The following EPB41L2 variants were observed in gnomAD, a reference collection of about 807,000 sequenced individuals.
EPB41L2 encodes band 4.1-like protein 2.
Under a neutral mutation model 113.0 loss-of-function variants are expected in EPB41L2, and 43 were observed. The observed-to-expected ratio is 0.38, with a 90% CI of 0.30 to 0.49. EPB41L2 has a LOEUF of 0.49. Among genes scored for constraint, EPB41L2 ranks in the 20% least tolerant of loss-of-function variants. The pLI is 0.95. For synonymous variants in EPB41L2, 442 were observed against 436.7 expected (o/e 1.01, Z -0.15); for missense variants, 1,147 against 1,223.4 (o/e 0.94, Z 0.93).
chr6:130,844,210 T>C (rs1776320867), intron 19 of EPB41L2, among the ~76,000 whole-genome samples: 1 of 152,220 alleles, frequency 6.6e-6, no homozygotes, highest in Non-Finnish European at 1.5e-5. Context: ...TTCAGATTAA[T>C]GAACATTCAA....
At chr6:130,966,206 G>A (rs1328458664) in intron 1 of EPB41L2, among the ~76,000 whole-genome samples, 2 of 152,148 alleles carry the variant, frequency 1.3e-5, no homozygotes, top group African/African-American at 4.8e-5. Flanking sequence ...TTATGTAAAG[G>A]TGACTCACTA....
At chr6:131,006,298 C>G (rs1320321993) in intron 1 of EPB41L2, among the ~76,000 whole-genome samples, 2 of 151,146 alleles carry the variant, frequency 1.3e-5, no homozygotes, top group African/African-American at 4.9e-5. Flanking sequence ...CTCAAATGAT[C>G]TGCCTGCCTC....
At chr6:130,894,273 G>A in intron 10 of EPB41L2, 71 bp downstream of exon 10, 3 of 1,247,118 alleles carry the variant, frequency 2.4e-6, no homozygotes, top group Non-Finnish European at 3.5e-6. Flanking sequence ...TCCCACCTCT[G>A]CCTCCTGAGT....
At chr6:130,889,189 T>TCAATCAAC (rs1382060591) in intron 11 of EPB41L2, among the ~76,000 whole-genome samples, 1 of 151,712 alleles carries the variant, frequency 6.6e-6, no homozygotes, top group East Asian at 1.9e-4. Context: ...ATATTTTAGT[T>TCAATCAAC]CAATCAACCA....
At chr6:130,923,455 C>G (rs1803560739) in intron 4 of EPB41L2, among the ~76,000 whole-genome samples, 1 of 152,162 alleles carries the variant, frequency 6.6e-6, no homozygotes, top group African/African-American at 2.4e-5. Context: ...TTCCCCTAGC[C>G]TAATCTCATT....
At chr6:130,948,496 C>G (rs1813700350) in intron 3 of EPB41L2, among the ~76,000 whole-genome samples, 1 of 151,836 alleles carries the variant, frequency 6.6e-6, no homozygotes. Context: ...TCTAAAAGAG[C>G]AGCAGTAAAA....
intron 1 of EPB41L2, among the ~76,000 whole-genome samples, chr6:131,036,009 T>A (rs563988338): frequency 6.6e-6 from 1 of 152,274 alleles, no homozygotes; most frequent in East Asian, 1.9e-4. Context: ...CAGAGAGACA[T>A]TAGTTATAAC....
intron 1 of EPB41L2, among the ~76,000 whole-genome samples, chr6:130,999,587 T>C (rs1783908109): frequency 6.6e-6 from 1 of 152,166 alleles, no homozygotes; most frequent in Non-Finnish European, 1.5e-5. Flanking sequence ...ATTTACTATC[T>C]TCACCCTGCA....
At chr6:130,997,536 T>C (rs970711228) in intron 1 of EPB41L2, among the ~76,000 whole-genome samples, 1 of 152,202 alleles carries the variant, frequency 6.6e-6, no homozygotes, top group Non-Finnish European at 1.5e-5. Flanking sequence ...CTTTGTTATA[T>C]GACAACTGTT....
intron 1 of EPB41L2, among the ~76,000 whole-genome samples, chr6:131,023,892 C>T (rs1427388442): frequency 6.6e-6 from 1 of 151,836 alleles, no homozygotes. Flanking sequence ...TTGGAGAAAA[C>T]TGTCATTTTC....
At chr6:130,895,221 A>C in intron 8 of EPB41L2, 102 bp from the exon 9 acceptor site, 1 of 1,347,198 alleles carries the variant, frequency 7.4e-7, no homozygotes, top group South Asian at 1.5e-5. Context: ...ATGACAGTTT[A>C]ACAGGTTTGT....
intron 1 of EPB41L2, among the ~76,000 whole-genome samples, chr6:131,022,206 G>T (rs1008667863): frequency 4.6e-5 from 7 of 152,032 alleles, no homozygotes; most frequent in African/African-American, 7.3e-5. Flanking sequence ...TCACAATAGG[G>T]TTCATGCTCC....
At chr6:130,951,193 G>C (rs189595678) in intron 3 of EPB41L2, among the ~76,000 whole-genome samples, 6 of 123,164 alleles carry the variant, frequency 4.9e-5, no homozygotes, top group Admixed American at 2.0e-4. Flanking sequence ...GGAGGTGGAG[G>C]TTTCAGTGAG....
At chr6:130,976,583 A>G (rs1166765742) in intron 1 of EPB41L2, among the ~76,000 whole-genome samples, 1 of 152,228 alleles carries the variant, frequency 6.6e-6, no homozygotes, top group Admixed American at 6.5e-5. Context: ...GTACAGAAGG[A>G]GGAAAATGGA....
chr6:130,942,525 C>A (rs1179901193), intron 3 of EPB41L2, among the ~76,000 whole-genome samples: 1 of 152,194 alleles, frequency 6.6e-6, no homozygotes, highest in Non-Finnish European at 1.5e-5. Context: ...ATTGTTGTTG[C>A]ATGAGAGAGT....
At chr6:131,038,922 C>A (rs1338906) in intron 1 of EPB41L2, among the ~76,000 whole-genome samples, 3 of 152,022 alleles carry the variant, frequency 2.0e-5, no homozygotes. Context: ...AAAGAGTGAC[C>A]ATTTTCCACA....
At chr6:130,859,248 G>A (rs975219089) in intron 18 of EPB41L2, among the ~76,000 whole-genome samples, 5 of 152,298 alleles carry the variant, frequency 3.3e-5, no homozygotes, top group Middle Eastern at 3.4e-3. Context: ...AAGGCCAGGC[G>A]TGGTGGCTCA....
At chr6:131,048,073 G>A (rs1257902569) in intron 1 of EPB41L2, among the ~76,000 whole-genome samples, 1 of 147,162 alleles carries the variant, frequency 6.8e-6, no homozygotes, top group African/African-American at 2.6e-5. Context: ...GTGGGGCAGA[G>A]GTTGCAGTGA....
chr6:130,901,236 G>T, intron 6 of EPB41L2, 56 bp from the exon 7 acceptor site: 1 of 1,499,998 alleles, frequency 6.7e-7, no homozygotes, highest in Non-Finnish European at 9.2e-7. Context: ...TGAGATTGGA[G>T]CACTCACAGT....
Sources: allele counts gnomAD v4.1 joint callset (sites outside exome capture counted in the v4.1 genomes callset), GRCh38; gene constraint gnomAD v4.1.1; transcripts MANE v1.5; gene names NCBI Gene and HGNC (gene_info 2026-07-23, HGNC 2026-07-21).